Variants in RARB observed in about 807,000 individuals in gnomAD.
RARB encodes retinoic acid receptor beta.
In RARB, 17 loss-of-function variants were observed where a neutral mutation model predicts 51.9. That is an observed-to-expected ratio of 0.33 (90% CI 0.22 to 0.49). The LOEUF (loss-of-function observed/expected upper bound fraction) is 0.49, where lower values mean the gene tolerates loss of function less well. RARB is among the 20% of genes least tolerant of loss of function. RARB has a pLI of 0.99. For synonymous variants in RARB, 215 were observed against 195.4 expected (o/e 1.10, Z -0.84); for missense variants, 369 against 550.8 (o/e 0.67, Z 3.30).
At chr3:24,922,480 A>G (rs754423510) in intron 2 of RARB, among the ~76,000 whole-genome samples, 2 of 152,296 alleles carry the variant, frequency 1.3e-5, no homozygotes, top group Middle Eastern at 3.4e-3. Context: ...GTAGGTATTT[A>G]GAGGAGGTAT....
At chr3:24,972,935 C>T (rs903121869) in intron 2 of RARB, among the ~76,000 whole-genome samples, 2 of 151,958 alleles carry the variant, frequency 1.3e-5, no homozygotes, top group Admixed American at 6.6e-5. Flanking sequence ...GTTGTCTCTT[C>T]AATTTGGTTG....
At chr3:25,135,887 C>A (rs4312625) in intron 4 of RARB, among the ~76,000 whole-genome samples, 1 of 151,846 alleles carries the variant, frequency 6.6e-6, no homozygotes, top group African/African-American at 2.4e-5. Context: ...TATTCATAAT[C>A]TTGAAAGTAA....
chr3:25,540,717 TGGA>T (rs1428128039), intron 3 of RARB, among the ~76,000 whole-genome samples: 3 of 152,192 alleles, frequency 2.0e-5, no homozygotes, highest in African/African-American at 7.2e-5. Flanking sequence ...GTGCTGTGGA[TGGA>T]GGAGGAGTGA....
At chr3:25,094,990 A>G (rs1699268960) in intron 3 of RARB, among the ~76,000 whole-genome samples, 1 of 152,192 alleles carries the variant, frequency 6.6e-6, no homozygotes, top group Admixed American at 6.5e-5. Flanking sequence ...CAAATGAGAA[A>G]AAAGACTGAA....
intron 2 of RARB, among the ~76,000 whole-genome samples, chr3:24,893,738 G>A (rs9754535): frequency 0.72 from 108,413 of 151,540 alleles, 39,606 homozygotes; most frequent in African/African-American, 0.85. Context: ...TTGCCTAGGT[G>A]GGTCTCAGAC....
intron 5 of RARB, among the ~76,000 whole-genome samples, chr3:25,357,925 T>C (rs1705801726): frequency 6.6e-6 from 1 of 152,204 alleles, no homozygotes; most frequent in Admixed American, 6.5e-5. Flanking sequence ...GTAGTATAGT[T>C]TGAAGTCAGG....
At chr3:25,219,064 G>T (rs1381769954) in intron 5 of RARB, among the ~76,000 whole-genome samples, 1 of 152,130 alleles carries the variant, frequency 6.6e-6, no homozygotes. Flanking sequence ...TCAACTATAA[G>T]TATTTATTTA....
At chr3:25,217,446 C>G (rs1701858475) in intron 5 of RARB, among the ~76,000 whole-genome samples, 1 of 152,014 alleles carries the variant, frequency 6.6e-6, no homozygotes, top group South Asian at 2.1e-4. Flanking sequence ...TAGCCATTAC[C>G]CCAGGAATGA....
At chr3:25,464,050 G>A (rs1266556056) in intron 2 of RARB, among the ~76,000 whole-genome samples, 3 of 152,126 alleles carry the variant, frequency 2.0e-5, no homozygotes, top group Non-Finnish European at 4.4e-5. Context: ...AGTTCATTTT[G>A]TCCACTTGTT....
chr3:25,556,601 A>G (rs1467980036), intron 3 of RARB, among the ~76,000 whole-genome samples: 1 of 152,220 alleles, frequency 6.6e-6, no homozygotes, highest in African/African-American at 2.4e-5. Context: ...CCTATAAATT[A>G]CTGGCTTAAA....
At chr3:25,570,644 G>A (rs1211980269) in intron 4 of RARB, among the ~76,000 whole-genome samples, 1 of 152,180 alleles carries the variant, frequency 6.6e-6, no homozygotes, top group East Asian at 1.9e-4. Flanking sequence ...GCCAGTGGAG[G>A]GGTCATGAGG....
intron 5 of RARB, among the ~76,000 whole-genome samples, chr3:25,290,934 G>A (rs1478540100): frequency 6.6e-6 from 1 of 152,100 alleles, no homozygotes; most frequent in Admixed American, 6.6e-5. Context: ...CAGTGTTCGA[G>A]CCCTCTCCTC....
intron 2 of RARB, among the ~76,000 whole-genome samples, chr3:25,052,695 G>GA: frequency 6.6e-6 from 1 of 152,222 alleles, no homozygotes; most frequent in East Asian, 1.9e-4. Flanking sequence ...TTCTTCAGGT[G>GA]AAAATAGTAA....
At chr3:24,878,601 A>G (rs980714970) in intron 2 of RARB, among the ~76,000 whole-genome samples, 5 of 152,108 alleles carry the variant, frequency 3.3e-5, no homozygotes, top group African/African-American at 1.2e-4. Context: ...TATTGTGTGC[A>G]TTGTAGGATT....
At chr3:24,902,245 A>G (rs115488988) in intron 2 of RARB, among the ~76,000 whole-genome samples, 3,685 of 152,236 alleles carry the variant, frequency 0.024, 71 homozygotes, top group South Asian at 0.047. Flanking sequence ...CTTCCAAAAT[A>G]TATTTTTATA....
intron 5 of RARB, among the ~76,000 whole-genome samples, chr3:25,357,457 A>G (rs1162053201): frequency 6.6e-6 from 1 of 152,124 alleles, no homozygotes; most frequent in Non-Finnish European, 1.5e-5. Context: ...CCCATTCTGT[A>G]GGTTGCCTGT....
At chr3:25,413,033 A>T (rs553870604) in intron 5 of RARB, among the ~76,000 whole-genome samples, 1 of 152,182 alleles carries the variant, frequency 6.6e-6, no homozygotes, top group African/African-American at 2.4e-5. Context: ...GGAAAAAAAA[A>T]AAAGAAGAAG....
At chr3:24,904,953 A>G (rs1481460948) in intron 2 of RARB, among the ~76,000 whole-genome samples, 2 of 152,224 alleles carry the variant, frequency 1.3e-5, no homozygotes, top group Non-Finnish European at 2.9e-5. Context: ...GTTAAGTGGG[A>G]GTTGAACAAT....
At chr3:25,421,485 C>T (rs1350737047) in intron 5 of RARB, among the ~76,000 whole-genome samples, 2 of 134,250 alleles carry the variant, frequency 1.5e-5, no homozygotes, top group African/African-American at 2.9e-5. Context: ...AATCTCGGCT[C>T]ACTGCAACTT....
Sources: gnomAD v4.1 joint callset for allele counts (sites outside exome capture counted in the v4.1 genomes callset) on GRCh38, gnomAD v4.1.1 for gene constraint, MANE v1.5 for transcripts, NCBI Gene and HGNC (gene_info 2026-07-23, HGNC 2026-07-21) for gene names.